MBNL2: variants seen among roughly 807,000 people sequenced by gnomAD.
The protein encoded by MBNL2 is muscleblind like splicing regulator 2, also known as muscleblind-like protein 2.
MBNL2 carries 17 observed loss-of-function variants against 41.9 expected under a neutral mutation model. The ratio of observed to expected loss-of-function variants is 0.41; its 90% confidence interval spans 0.28 to 0.61. The LOEUF is 0.61. MBNL2 is among the 20% of genes least tolerant of loss of function. MBNL2 has a pLI of 0.35. For missense variants in MBNL2, 336 were observed against 505.6 expected, an observed-to-expected ratio of 0.66 and a Z score of 3.22; for synonymous variants, 195 against 182.9, an observed-to-expected ratio of 1.07 and a Z score of -0.53.
In MBNL2 at chr13:97,366,667, A is replaced by T. The variant is rs1566444374; in HGVS notation, c.1048+1496A>T. The T allele has an allele frequency of 2.7e-6, 2 of 738,770 alleles. No homozygotes were observed. Among genetic ancestry groups the T allele is most frequent in the East Asian group, 5.2e-5 (2 of 38,238 alleles). The allele number at this position is 738,770 out of a possible 1,614,324, so 45.8% of individuals were successfully genotyped here. On this transcript the variant is annotated intron_variant, in intron 8 of 8. Transcript: ENST00000679496. The surrounding 1 kb of genome is among the most constrained non-coding windows in gnomAD (Gnocchi z 4.7). The stretch of plus-strand genomic sequence containing the variant: ...TTTTCATGTTTATCCATCAAATTTT[A>T]TTTTTTTAATTAGTTTATAGCAAGC...
intron 2 of MBNL2, among the ~76,000 whole-genome samples, chr13:97,310,477 T>C (rs2058494322): frequency 6.6e-6 from 1 of 151,946 alleles, no homozygotes; most frequent in African/African-American, 2.4e-5. Flanking sequence ...TTGCCCAGGC[T>C]GGAGTGCAGT....
At chr13:97,304,215 C>G (rs1245314963) in intron 2 of MBNL2, among the ~76,000 whole-genome samples, 2 of 152,180 alleles carry the variant, frequency 1.3e-5, no homozygotes, top group African/African-American at 2.4e-5. Flanking sequence ...AGTTGGAAAG[C>G]TGTATTAGAA....
intron 2 of MBNL2, among the ~76,000 whole-genome samples, chr13:97,305,931 G>A (rs2058082741): frequency 6.6e-6 from 1 of 151,982 alleles, no homozygotes. Flanking sequence ...GGAAGAGAAG[G>A]GATAAAAAAG....
intron 3 of MBNL2, among the ~76,000 whole-genome samples, chr13:97,340,517 G>T (rs996097964): frequency 3.3e-5 from 5 of 152,172 alleles, no homozygotes; most frequent in African/African-American, 1.2e-4. Flanking sequence ...CAGTATTAAT[G>T]AGAGCTGCTT....
the MBNL2 span, among the ~76,000 whole-genome samples, chr13:97,173,859 A>G: frequency 6.6e-6 from 1 of 152,208 alleles, no homozygotes; most frequent in Non-Finnish European, 1.5e-5. Flanking sequence ...GGATACCTCC[A>G]TTCCTTTAGG....
At chr13:97,256,413 G>T (rs1267064531) in intron 1 of MBNL2, among the ~76,000 whole-genome samples, 1 of 151,860 alleles carries the variant, frequency 6.6e-6, no homozygotes, top group Non-Finnish European at 1.5e-5. Context: ...TGGAATGCCT[G>T]TTAGTAGGCT....
chr13:97,201,218 C>T, the MBNL2 span, among the ~76,000 whole-genome samples: 1 of 152,190 alleles, frequency 6.6e-6, no homozygotes, highest in Non-Finnish European at 1.5e-5. Context: ...AGTGGGACTT[C>T]AAAAGACCAT....
upstream of MBNL2, among the ~76,000 whole-genome samples, chr13:97,219,633 C>A (rs148124529): frequency 3.9e-5 from 6 of 152,086 alleles, no homozygotes; most frequent in African/African-American, 1.4e-4. Context: ...CAAATCCCAT[C>A]GTGAAGACTC....
intron 1 of MBNL2, among the ~76,000 whole-genome samples, chr13:97,258,154 A>G (rs2047918990): frequency 6.6e-6 from 1 of 151,740 alleles, no homozygotes; most frequent in South Asian, 2.1e-4. Flanking sequence ...TAGCAATAAC[A>G]TTACCTAATA....
At chr13:97,175,627 T>A in the MBNL2 span, among the ~76,000 whole-genome samples, 1 of 152,146 alleles carries the variant, frequency 6.6e-6, no homozygotes, top group Admixed American at 6.6e-5. Flanking sequence ...ATCAGGTATT[T>A]AAAAGCTAAG....
At chr13:97,274,193 C>T (rs1316540886) in intron 1 of MBNL2, among the ~76,000 whole-genome samples, 1 of 152,050 alleles carries the variant, frequency 6.6e-6, no homozygotes, top group African/African-American at 2.4e-5. Context: ...TTGTGAACCA[C>T]TTAAAAATTA....
At chr13:97,210,398 T>A in the MBNL2 span, among the ~76,000 whole-genome samples, 1 of 152,100 alleles carries the variant, frequency 6.6e-6, no homozygotes, top group Admixed American at 6.5e-5. Flanking sequence ...ATAAAGGAAG[T>A]CTTTGTCTTT....
intron 1 of MBNL2, among the ~76,000 whole-genome samples, chr13:97,271,132 T>TG (rs2050888045): frequency 1.3e-5 from 2 of 150,612 alleles, no homozygotes; most frequent in African/African-American, 4.9e-5. Flanking sequence ...TTTTGTTTTT[T>TG]TTTTTTGAGA....
intron 6 of MBNL2, 148 bp from the exon 7 acceptor site, chr13:97,357,334 C>T: frequency 3.0e-6 from 2 of 659,132 alleles, no homozygotes; most frequent in Non-Finnish European, 5.3e-6. Context: ...ACTCATTCGA[C>T]ATTGCCGCTG....
At chr13:97,291,826 C>T (rs1472856255) in intron 2 of MBNL2, among the ~76,000 whole-genome samples, 4 of 141,814 alleles carry the variant, frequency 2.8e-5, no homozygotes, top group Non-Finnish European at 6.0e-5. Context: ...ACCTGGGAGG[C>T]GGAGGTTGCA....
intron 1 of MBNL2, among the ~76,000 whole-genome samples, chr13:97,246,765 A>G (rs2045555157): frequency 6.6e-6 from 1 of 152,198 alleles, no homozygotes. Context: ...ACGCTACAAG[A>G]CAGGCTCCTC....
chr13:97,299,188 A>C (rs2057359261), intron 2 of MBNL2, among the ~76,000 whole-genome samples: 1 of 152,088 alleles, frequency 6.6e-6, no homozygotes, highest in South Asian at 2.1e-4. Flanking sequence ...TCACTTTTCT[A>C]GTTTTTTTTA....
chr13:97,243,162 A>G (rs974416138), intron 1 of MBNL2, among the ~76,000 whole-genome samples: 1 of 152,226 alleles, frequency 6.6e-6, no homozygotes, highest in African/African-American at 2.4e-5. Flanking sequence ...AGAGTTGAAC[A>G]AAAGACAATG....
chr13:97,243,672 A>C (rs1566362465), intron 1 of MBNL2, among the ~76,000 whole-genome samples: 1 of 152,252 alleles, frequency 6.6e-6, no homozygotes. Context: ...AAACTAATAG[A>C]CAATTGAGCA....
Sources: allele counts gnomAD v4.1 joint callset (sites outside exome capture counted in the v4.1 genomes callset), GRCh38; gene constraint gnomAD v4.1.1; non-coding constraint Gnocchi (gnomAD v3.1); transcripts MANE v1.5; gene names NCBI Gene and HGNC (gene_info 2026-07-23, HGNC 2026-07-21).